Variants in ATE1 observed in about 807,000 individuals in gnomAD.
ATE1 encodes the protein arginyltransferase 1.
Under a neutral mutation model 70.5 loss-of-function variants are expected in ATE1, and 36 were observed. That is an observed-to-expected ratio of 0.51 (90% confidence interval 0.39 to 0.67). The LOEUF (loss-of-function observed/expected upper bound fraction) is 0.67. Among genes scored for constraint, ATE1 ranks in the 30% least tolerant of loss-of-function variants. The probability of loss-of-function intolerance (pLI) is 0.00; values close to 1 mark genes in which losing one functional copy is unlikely to be tolerated. For missense variants in ATE1, 593 were observed against 629.5 expected (o/e 0.94, Z 0.62); for synonymous variants, 232 against 219.3 (o/e 1.06, Z -0.51).
chr10:121,886,306 A>T (rs1950396244), intron 7 of ATE1, among the ~76,000 whole-genome samples: 2 of 151,662 alleles, frequency 1.3e-5, no homozygotes, highest in South Asian at 4.2e-4. Flanking sequence ...AAAAAAAAAA[A>T]AACCCACCTC....
chr10:121,808,830 C>G (rs1244733347), intron 10 of ATE1, among the ~76,000 whole-genome samples: 1 of 152,184 alleles, frequency 6.6e-6, no homozygotes, highest in African/African-American at 2.4e-5. Flanking sequence ...CAAAATCGCA[C>G]TAGCAGTTTC....
chr10:121,844,510 T>C (rs557478398), intron 8 of ATE1, among the ~76,000 whole-genome samples: 47 of 152,300 alleles, frequency 3.1e-4, no homozygotes, highest in African/African-American at 6.0e-4. Flanking sequence ...TAAAATGGTA[T>C]AGATGATTTA....
chr10:121,862,400 TC>T (rs933607396), intron 8 of ATE1, among the ~76,000 whole-genome samples: 22 of 152,034 alleles, frequency 1.4e-4, no homozygotes, highest in Non-Finnish European at 1.6e-4. Flanking sequence ...TTCTTTTCTT[TC>T]TTTGGAGTGC....
intron 7 of ATE1, among the ~76,000 whole-genome samples, chr10:121,883,548 AT>A: frequency 6.6e-6 from 1 of 152,338 alleles, no homozygotes; most frequent in African/African-American, 2.4e-5. Context: ...GCAGAAGAAT[AT>A]TCCTAGGAAA....
intron 8 of ATE1, among the ~76,000 whole-genome samples, chr10:121,851,546 A>C (rs1949056500): frequency 6.6e-6 from 1 of 152,252 alleles, no homozygotes; most frequent in Non-Finnish European, 1.5e-5. Flanking sequence ...AGCACTTTGC[A>C]GACTATAAAA....
chr10:121,781,175 CTT>C (rs5788515), intron 11 of ATE1, among the ~76,000 whole-genome samples: 1 of 151,566 alleles, frequency 6.6e-6, no homozygotes. Context: ...TCAGTCTGTA[CTT>C]TTTTTTTTCT....
intron 7 of ATE1, 132 bp downstream of exon 7, chr10:121,899,734 T>C (rs532239991): frequency 1.5e-6 from 2 of 1,356,510 alleles, no homozygotes; most frequent in South Asian, 3.2e-5. Flanking sequence ...AATTCAGTCT[T>C]AGGTCTTTGC....
At chr10:121,869,512 CA>C (rs1444030317) in intron 8 of ATE1, among the ~76,000 whole-genome samples, 2 of 152,286 alleles carry the variant, frequency 1.3e-5, no homozygotes, top group African/African-American at 4.8e-5. Flanking sequence ...ATGAAGAACC[CA>C]GAATATTGCC....
chr10:121,859,497 C>T (rs911360459), intron 8 of ATE1, among the ~76,000 whole-genome samples: 3 of 151,990 alleles, frequency 2.0e-5, no homozygotes, highest in South Asian at 2.1e-4. Flanking sequence ...ACCTCGTGAT[C>T]GGCCCGCCTC....
intron 7 of ATE1, among the ~76,000 whole-genome samples, chr10:121,896,984 G>A (rs1950807042): frequency 6.6e-6 from 1 of 151,902 alleles, no homozygotes; most frequent in Non-Finnish European, 1.5e-5. Flanking sequence ...CTGCTGCCCA[G>A]AACACCTTTC....
At chr10:121,775,123 A>T (rs7071497) in intron 11 of ATE1, among the ~76,000 whole-genome samples, 18 of 152,098 alleles carry the variant, frequency 1.2e-4, no homozygotes, top group African/African-American at 4.1e-4. Flanking sequence ...GATAAACAAT[A>T]TTGTATAATA....
chr10:121,807,562 G>T (rs1463798559), intron 10 of ATE1, among the ~76,000 whole-genome samples: 2 of 152,160 alleles, frequency 1.3e-5, no homozygotes, highest in African/African-American at 4.8e-5. Context: ...GGAGGAGAAT[G>T]GCTATAATGC....
intron 11 of ATE1, among the ~76,000 whole-genome samples, chr10:121,779,078 C>T (rs554499506): frequency 1.3e-5 from 2 of 152,180 alleles, no homozygotes; most frequent in Admixed American, 1.3e-4. Context: ...ATCCTTCCAG[C>T]TTGTTCACAT....
In ATE1 at chr10:121,871,538, G is replaced by A. The variant is rs145498078; in HGVS notation, c.943-1500C>T. ...AGGACAAGAGATTAGGGTTCATTACGTGATTCTATCTACTTTGTAAATGTT... is the reference window on the plus strand; with the variant it reads ...AGGACAAGAGATTAGGGTTCATTACATGATTCTATCTACTTTGTAAATGTT... On this transcript the variant is annotated intron_variant, in intron 7 of 11. Coordinates refer to ENST00000224652, the MANE Select transcript of ATE1 (RefSeq NM_001001976.3). Among the ~76,000 whole-genome samples, 1,076 of 152,182 alleles carry A rather than the reference G, an allele frequency of 7.1e-3. 25 individuals are homozygous for A. The highest frequency in any genetic ancestry group is 0.024 in the African/African-American group (1,017 of 41,518).
intron 10 of ATE1, among the ~76,000 whole-genome samples, chr10:121,826,949 CT>C (rs796682940): frequency 2.4e-4 from 36 of 152,158 alleles, no homozygotes; most frequent in African/African-American, 7.5e-4. Context: ...TAATTTCATT[CT>C]TTTTGATGAC....
chr10:121,892,023 G>A (rs540657438), intron 7 of ATE1, among the ~76,000 whole-genome samples: 27 of 152,196 alleles, frequency 1.8e-4, no homozygotes, highest in African/African-American at 3.4e-4. Flanking sequence ...ATTTCCTGAC[G>A]TAGAAAACTG....
chr10:121,894,568 C>T (rs761753335), intron 7 of ATE1, among the ~76,000 whole-genome samples: 2 of 152,120 alleles, frequency 1.3e-5, no homozygotes, highest in Non-Finnish European at 2.9e-5. Context: ...ATATAATAAA[C>T]TCCTACAACT....
At position 121,765,771 on chromosome 10, in the gene ATE1, T is replaced by C. The variant is rs189829359; in HGVS notation, c.1379-21913A>G. Among the ~76,000 whole-genome samples the C allele has an allele frequency of 8.7e-4, 133 of 152,354 alleles. 1 individual carries two copies. The Middle Eastern group carries it at 0.024, about 27-fold the overall frequency. On this transcript the variant is annotated intron_variant, in intron 11 of 11. Transcript: ENST00000224652. ...AGAATATACAAAATAACCTCGGTTG[T>C]CACTTTATATCTTAGTGCAATATTC...
At chr10:121,789,270 C>G (rs993111886) in intron 11 of ATE1, among the ~76,000 whole-genome samples, 2 of 145,916 alleles carry the variant, frequency 1.4e-5, no homozygotes, top group Non-Finnish European at 3.0e-5. Flanking sequence ...GGATCTGAAT[C>G]CAGGAAGCCT....
Sources: allele counts gnomAD v4.1 joint callset (sites outside exome capture counted in the v4.1 genomes callset), GRCh38; gene constraint gnomAD v4.1.1; transcripts MANE v1.5; gene names NCBI Gene and HGNC (gene_info 2026-07-23, HGNC 2026-07-21).